The following CNTNAP2 variants were observed in gnomAD, a reference collection of about 807,000 sequenced individuals.
CNTNAP2 encodes the protein contactin associated protein 2.
Under a neutral mutation model 155.2 loss-of-function variants are expected in CNTNAP2, and 98 were observed. The ratio of observed to expected loss-of-function variants is 0.63; its 90% CI spans 0.54 to 0.75. The LOEUF is 0.75. Ranked by LOEUF, CNTNAP2 falls within the 30% of genes least tolerant of loss-of-function variation. The pLI, the probability that CNTNAP2 is intolerant of heterozygous loss-of-function variation, is 0.00. For synonymous variants in CNTNAP2, 651 were observed against 631.2 expected (o/e 1.03, Z -0.47); for missense variants, 1,727 against 1,688.1 (o/e 1.02, Z -0.40).
At chr7:146,904,015 A>G (rs1438105699) in intron 3 of CNTNAP2, among the ~76,000 whole-genome samples, 1 of 152,198 alleles carries the variant, frequency 6.6e-6, no homozygotes, top group Non-Finnish European at 1.5e-5. Flanking sequence ...ATAAAGTTAA[A>G]TTTCTTTTAA....
chr7:146,151,647 TATATATATATATATA>T (rs1798042669), intron 1 of CNTNAP2, among the ~76,000 whole-genome samples: 2 of 16,596 alleles, frequency 1.2e-4, no homozygotes, highest in Admixed American at 1.6e-3. Context: ...TATATATATA[TATATATATATATATA>T]TATATATATA....
At position 147,449,320 on chromosome 7, in the gene CNTNAP2, T is replaced by C. The variant is rs565641632; in HGVS notation, c.1671-36615T>C. On this transcript the variant is annotated intron_variant, in intron 10 of 23. Transcript: ENST00000361727. ...CTGAGGAGTCATTTCATGCATTCCTTGATTCCTCAGAATGGCTACAAGCAA... is the reference window on the plus strand; with the variant it reads ...CTGAGGAGTCATTTCATGCATTCCTCGATTCCTCAGAATGGCTACAAGCAA... 5.3e-5 allele frequency among the ~76,000 whole-genome samples: 8 copies of C among 152,224 alleles called. No homozygotes were observed. The South Asian group carries it at 1.7e-3, about 32-fold the overall frequency.
intron 16 of CNTNAP2, 129 bp from the exon 17 acceptor site, chr7:148,147,362 C>A: frequency 2.2e-6 from 2 of 890,692 alleles, no homozygotes; most frequent in Non-Finnish European, 3.8e-6. Context: ...ATTTTGCCAT[C>A]GACCTTTGTA....
chr7:148,394,579 T>G (rs531442054), intron 22 of CNTNAP2, among the ~76,000 whole-genome samples: 2 of 152,362 alleles, frequency 1.3e-5, no homozygotes, highest in African/African-American at 4.8e-5. Context: ...GGTTTATGTA[T>G]AAGTTCATTA....
chr7:147,028,959 CTTTTTT>C (rs397889433), intron 3 of CNTNAP2, among the ~76,000 whole-genome samples: 3 of 103,744 alleles, frequency 2.9e-5, no homozygotes, highest in East Asian at 2.9e-4. Context: ...AAGATATGTT[CTTTTTT>C]TTTTTTTTTT....
chr7:147,620,715 A>T (rs1801377372), intron 12 of CNTNAP2, among the ~76,000 whole-genome samples: 1 of 152,028 alleles, frequency 6.6e-6, no homozygotes, highest in African/African-American at 2.4e-5. Flanking sequence ...GGAAATAATA[A>T]TTTTTAAAAA....
chr7:147,986,255 G>T (rs1801616917), intron 15 of CNTNAP2, among the ~76,000 whole-genome samples: 1 of 152,104 alleles, frequency 6.6e-6, no homozygotes, highest in Non-Finnish European at 1.5e-5. Flanking sequence ...ATTTACTTGG[G>T]TTTGGTCTTC....
intron 2 of CNTNAP2, among the ~76,000 whole-genome samples, chr7:146,803,866 T>G (rs1313736565): frequency 6.6e-6 from 1 of 152,212 alleles, no homozygotes; most frequent in African/African-American, 2.4e-5. Context: ...TTAAAGCTTT[T>G]GAATTTCTTC....
intron 15 of CNTNAP2, among the ~76,000 whole-genome samples, chr7:148,096,890 C>T (rs1803983442): frequency 6.6e-6 from 1 of 152,086 alleles, no homozygotes. Flanking sequence ...CATTAGCCAA[C>T]CTGAGAGAAG....
chr7:146,945,631 A>T (rs1048648824), intron 3 of CNTNAP2, among the ~76,000 whole-genome samples: 1 of 152,070 alleles, frequency 6.6e-6, no homozygotes, highest in Non-Finnish European at 1.5e-5. Flanking sequence ...TCGTCTTTTC[A>T]TAGAATTAGG....
At chr7:146,261,405 A>G (rs956927234) in intron 1 of CNTNAP2, among the ~76,000 whole-genome samples, 4 of 151,668 alleles carry the variant, frequency 2.6e-5, no homozygotes, top group African/African-American at 9.7e-5. Context: ...CATTTAAGTC[A>G]TCTCTCAACT....
At chr7:148,160,360 G>A (rs115991075) in intron 17 of CNTNAP2, among the ~76,000 whole-genome samples, 1,631 of 151,400 alleles carry the variant, frequency 0.011, 27 homozygotes, top group African/African-American at 0.037. Flanking sequence ...GCAGTGAGCC[G>A]TGATCACACT....
At chr7:147,866,598 T>TG (rs1446717149) in intron 13 of CNTNAP2, among the ~76,000 whole-genome samples, 1 of 152,222 alleles carries the variant, frequency 6.6e-6, no homozygotes, top group Admixed American at 6.5e-5. Context: ...TGAATCTGGG[T>TG]GCTCCTGTTT....
At chr7:148,196,438 G>T (rs1263835494) in intron 18 of CNTNAP2, among the ~76,000 whole-genome samples, 1 of 152,136 alleles carries the variant, frequency 6.6e-6, no homozygotes, top group African/African-American at 2.4e-5. Flanking sequence ...TCACTAGAAT[G>T]GGGCAGGGAG....
At chr7:147,858,069 C>T (rs551060271) in intron 13 of CNTNAP2, among the ~76,000 whole-genome samples, 7 of 152,254 alleles carry the variant, frequency 4.6e-5, no homozygotes, top group South Asian at 2.1e-4. Context: ...AAGGACTGGA[C>T]GTTAATCAAA....
chr7:148,417,073 T>C lies in CNTNAP2; in HGVS notation c.*1457T>C, dbSNP rs1800010599. On this transcript the variant is annotated 3_prime_UTR_variant, in exon 24 of 24. Coordinates refer to ENST00000361727, the MANE Select transcript of CNTNAP2 (RefSeq NM_014141.6). ...TATCATCATTATATTTCAAGCCTCT[T>C]ATACTTAATAAGCACTTTCTAAAAA... is the stretch of plus-strand genomic sequence containing the variant. 1.3e-5 allele frequency: 2 copies of C among 152,170 alleles called. No individual in the cohort carries two copies. The highest frequency in any genetic ancestry group is 6.5e-5 in the Admixed American group (1 of 15,282). The allele number at this position is 152,170 out of a possible 1,614,324, so 9.4% of individuals were successfully genotyped here.
intron 2 of CNTNAP2, chr7:146,787,027 T>A (rs913286083): frequency 6.6e-6 from 1 of 152,348 alleles, no homozygotes. Context: ...AATGCATAAT[T>A]AAGCGTGTTC....
chr7:146,916,290 A>G (rs926685716), intron 3 of CNTNAP2, among the ~76,000 whole-genome samples: 26 of 151,968 alleles, frequency 1.7e-4, no homozygotes, highest in African/African-American at 6.3e-4. Flanking sequence ...CCATTTTGTT[A>G]TGTCCTTTCT....
chr7:148,297,753 T>A (rs1438789831), intron 21 of CNTNAP2, among the ~76,000 whole-genome samples: 1 of 152,130 alleles, frequency 6.6e-6, no homozygotes, highest in African/African-American at 2.4e-5. Context: ...AAGGGGTATG[T>A]TGGATCATTT....
Sources: allele counts gnomAD v4.1 joint callset (sites outside exome capture counted in the v4.1 genomes callset), GRCh38; gene constraint gnomAD v4.1.1; transcripts MANE v1.5; gene names NCBI Gene and HGNC (gene_info 2026-07-23, HGNC 2026-07-21).